The following LHX4 variants were observed in gnomAD, a reference collection of about 807,000 sequenced individuals.
LHX4 encodes the protein LIM/homeobox protein Lhx4.
LHX4 carries 16 observed loss-of-function variants against 39.2 expected under a neutral mutation model. That is an observed-to-expected ratio of 0.41 (90% CI 0.28 to 0.62). LHX4 has a LOEUF of 0.62. Ranked by LOEUF, LHX4 falls within the 20% of genes least tolerant of loss-of-function variation. LHX4 has a pLI of 0.33. For synonymous variants in LHX4, 206 were observed against 198.1 expected, an observed-to-expected ratio of 1.04 and a Z score of -0.33; for missense variants, 439 against 511.9, an observed-to-expected ratio of 0.86 and a Z score of 1.37.
chr1:180,252,021 G>A (rs1266352797), intron 2 of LHX4, among the ~76,000 whole-genome samples: 2 of 152,216 alleles, frequency 1.3e-5, no homozygotes, highest in African/African-American at 2.4e-5. Context: ...GTTTGGTACA[G>A]GAAGGCACAG....
chr1:180,266,709 A>G lies in LHX4; in HGVS notation c.451+115A>G, dbSNP rs1648332239. On this transcript the variant is annotated intron_variant, in intron 3 of 5. Transcript: ENST00000263726. This position sits in a 1 kb window ranked among gnomAD's most constrained non-coding sequence, Gnocchi z 5.7. ...CTGCCCATCCCTCAGAGCCCTACTC[A>G]TGCACCGCCACCTCTGAGAAGCGTC... 6 of 987,104 alleles carry G rather than the reference A, an allele frequency of 6.1e-6. No individual in the cohort carries two copies. The highest frequency in any genetic ancestry group is 9.3e-6 in the Non-Finnish European group (6 of 641,796). 61.1% of individuals were successfully genotyped at this position (987,104 alleles called of 1,614,324 possible). A position where few individuals can be genotyped will look rare whatever the true frequency, so the allele number is the denominator to read the frequency against.
chr1:180,268,707 G>C (rs1648442438), intron 3 of LHX4, among the ~76,000 whole-genome samples: 1 of 152,212 alleles, frequency 6.6e-6, no homozygotes, highest in Admixed American at 6.5e-5. Flanking sequence ...AGGTGTGCTT[G>C]AGGTTTTAAA....
intron 2 of LHX4, among the ~76,000 whole-genome samples, chr1:180,250,172 T>A (rs1647561801): frequency 6.6e-6 from 1 of 152,164 alleles, no homozygotes; most frequent in African/African-American, 2.4e-5. Context: ...AGTTTCCTTT[T>A]CTCTGGCATT....
chr1:180,255,353 CAT>C (rs796736987), intron 2 of LHX4, among the ~76,000 whole-genome samples: 8 of 152,246 alleles, frequency 5.3e-5, no homozygotes, highest in South Asian at 2.1e-4. Context: ...CATGCACACA[CAT>C]GTATACACGC....
upstream of LHX4, chr1:180,230,235 C>T: frequency 2.2e-6 from 1 of 462,688 alleles, no homozygotes. The surrounding 1 kb of genome is among the most constrained non-coding windows in gnomAD (Gnocchi z 5.8). Context: ...GGGGAAGGAG[C>T]GGGCGGGGGA....
rs1435323029 is a variant in LHX4, at chr1:180,234,189, AT to A, written c.76+3585del. 0.047 allele frequency among the ~76,000 whole-genome samples: 2,723 copies of A among 58,012 alleles called. 302 individuals are homozygous for A. Among genetic ancestry groups the A allele is most frequent in the African/African-American group, 0.15 (2,573 of 17,272 alleles). The allele number at this position is 58,012 out of a possible 152,430, so 38.1% of individuals were successfully genotyped here. On this transcript the variant is annotated intron_variant, in intron 1 of 5. Coordinates refer to ENST00000263726, the MANE Select transcript of LHX4 (RefSeq NM_033343.4). This position sits in a 1 kb window ranked among gnomAD's most constrained non-coding sequence, Gnocchi z 4.8. ...ACAAATTATATATATATATATATAT[AT>A]ATATATATATATATATATATATATA...
At chr1:180,244,036 A>T (rs1647289602) in intron 1 of LHX4, among the ~76,000 whole-genome samples, 2 of 152,196 alleles carry the variant, frequency 1.3e-5, no homozygotes, top group Non-Finnish European at 2.9e-5. Flanking sequence ...ACATCGCCTG[A>T]TCTCGCGAAG....
At chr1:180,271,059 T>C (rs1648619390) in intron 3 of LHX4, 2 of 411,130 alleles carry the variant, frequency 4.9e-6, no homozygotes, top group South Asian at 4.2e-5. Flanking sequence ...AGAGTGTTTG[T>C]CATGACAGGG....
At chr1:180,239,923 G>A (rs1387321723) in intron 1 of LHX4, among the ~76,000 whole-genome samples, 2 of 152,158 alleles carry the variant, frequency 1.3e-5, no homozygotes, top group Non-Finnish European at 2.9e-5. Context: ...ACCTGAGGGG[G>A]AATACTGTGG....
chr1:180,230,909 G>A lies in LHX4; in HGVS notation c.76+304G>A, dbSNP rs965218277. On this transcript the variant is annotated intron_variant, in intron 1 of 5. Transcript: ENST00000263726. The surrounding 1 kb of genome is among the most constrained non-coding windows in gnomAD (Gnocchi z 5.8). The stretch of plus-strand genomic sequence containing the variant: ...GAGTGCTGTTTGGGGACACCCAGGG[G>A]TACGAGCTGTAGGCCAGGCCTGAGG... Among the ~76,000 whole-genome samples the A allele has an allele frequency of 2.0e-5, 3 of 152,228 alleles. No individual in the cohort carries two copies. The highest frequency in any genetic ancestry group is 1.3e-4 in the Admixed American group (2 of 15,286).
At chr1:180,270,036 C>T (rs1648546116) in intron 3 of LHX4, 1 of 152,278 alleles carries the variant, frequency 6.6e-6, no homozygotes, top group Non-Finnish European at 1.5e-5. Flanking sequence ...GGCTGCACAG[C>T]TGCTTCATTC....
intron 1 of LHX4, among the ~76,000 whole-genome samples, chr1:180,233,614 G>A (rs1016380297): frequency 5.3e-5 from 8 of 152,240 alleles, no homozygotes; most frequent in African/African-American, 1.9e-4. Flanking sequence ...GGAAAAGAGC[G>A]AGGCATATAG....
intron 1 of LHX4, among the ~76,000 whole-genome samples, chr1:180,236,993 G>A (rs1371120141): frequency 6.6e-6 from 1 of 152,188 alleles, no homozygotes; most frequent in Non-Finnish European, 1.5e-5. Flanking sequence ...CCTGGAATGA[G>A]TGTTAACAAT....
chr1:180,249,938 A>G (rs1647549541), intron 2 of LHX4, among the ~76,000 whole-genome samples: 1 of 149,978 alleles, frequency 6.7e-6, no homozygotes, highest in Non-Finnish European at 1.5e-5. Flanking sequence ...TGTGTGGGTG[A>G]GTGTTGTGTG....
Position 180,239,325 on chromosome 1 carries a change from T to A in LHX4, c.76+8720T>A, listed in dbSNP as rs1454743229. On this transcript the variant is annotated intron_variant, in intron 1 of 5. Coordinates refer to ENST00000263726, the MANE Select transcript of LHX4 (RefSeq NM_033343.4). The stretch of plus-strand genomic sequence containing the variant: ...GGAACCTGAGGCAACAGAACAGCAA[T>A]GTCTGCAATTTGTTGTTTTCTCTTC... Among the ~76,000 whole-genome samples, 5 of 152,358 alleles carry A rather than the reference T, an allele frequency of 3.3e-5. No individual in the cohort carries two copies. In the South Asian group the frequency reaches 1.0e-3, roughly 32 times the overall value.
chr1:180,231,994 A>G (rs1360281467), intron 1 of LHX4, among the ~76,000 whole-genome samples: 1 of 152,220 alleles, frequency 6.6e-6, no homozygotes, highest in Non-Finnish European at 1.5e-5. Context: ...ACTGCCGGCA[A>G]TCAGTTCCAC....
At chr1:180,252,540 T>G (rs1164915115) in intron 2 of LHX4, among the ~76,000 whole-genome samples, 4 of 152,182 alleles carry the variant, frequency 2.6e-5, no homozygotes, top group Non-Finnish European at 5.9e-5. Context: ...CAGGGCTCAT[T>G]GGTTCCCTGA....
At position 180,230,769 on chromosome 1, in the gene LHX4, G is replaced by T. The variant is rs1238339406; in HGVS notation, c.76+164G>T. ...CACCAGCCAGAGTGCGTTTGAGGGG[G>T]CCAGGCTCTTGGCTGTTTGGGGCCG... On this transcript the variant is annotated intron_variant, in intron 1 of 5. Coordinates refer to ENST00000263726, the MANE Select transcript of LHX4 (RefSeq NM_033343.4). This position sits in a 1 kb window ranked among gnomAD's most constrained non-coding sequence, Gnocchi z 5.8. Among the ~76,000 whole-genome samples the T allele has an allele frequency of 6.6e-6, 1 of 152,154 alleles. No individual in the cohort carries two copies. Among genetic ancestry groups the T allele is most frequent in the Non-Finnish European group, 1.5e-5 (1 of 68,028 alleles).
At chr1:180,228,912 A>G (rs355615), upstream of LHX4, among the ~76,000 whole-genome samples, 81,065 of 151,970 alleles carry the variant, frequency 0.53, 23,270 homozygotes, top group African/African-American at 0.75. Flanking sequence ...CTGGAAGGAC[A>G]CGTATGTCTG....
Sources: gnomAD v4.1 joint callset for allele counts (sites outside exome capture counted in the v4.1 genomes callset) on GRCh38, gnomAD v4.1.1 for gene constraint, Gnocchi (gnomAD v3.1) non-coding constraint, MANE v1.5 for transcripts, NCBI Gene and HGNC (gene_info 2026-07-23, HGNC 2026-07-21) for gene names.